Variants in MYO7A observed in about 807,000 individuals in gnomAD.
MYO7A encodes the protein unconventional myosin-VIIa.
In MYO7A, 210 loss-of-function variants were observed where a neutral mutation model predicts 263.8. The observed-to-expected ratio is 0.80, with a 90% confidence interval of 0.71 to 0.89. The LOEUF is 0.89. Ranked by LOEUF, MYO7A falls within the 40% of genes least tolerant of loss-of-function variation. The pLI is 0.00. For synonymous variants in MYO7A, 1,239 were observed against 1,197.3 expected (o/e 1.03, Z -0.72); for missense variants, 2,820 against 2,968.3 (o/e 0.95, Z 1.16).
chr11:77,213,940 C>T lies in MYO7A; in HGVS notation c.6519C>T (p.Asn2173=), dbSNP rs111033230. ...GNTYFHITIG[N]LVRGSKLLCE... The stretch of plus-strand genomic sequence containing the variant: ...CCTACTTCCACATCACCATTGGGAA[C>T]TTGGTGCGCGGGAGCAAACTGCTCT... Residue 2173 remains asparagine (N), a synonymous_variant, in exon 48 of 49, where the codon AAC becomes AAT. Transcript: ENST00000409709. The T allele has an allele frequency of 0.013, 20,549 of 1,614,090 alleles. 166 individuals are homozygous for T. The highest frequency in any genetic ancestry group is 0.016 in the Middle Eastern group (98 of 6,062).
intron 39 of MYO7A, among the ~76,000 whole-genome samples, chr11:77,204,909 C>T (rs978789609): frequency 6.6e-6 from 1 of 152,146 alleles, no homozygotes; most frequent in African/African-American, 2.4e-5. Flanking sequence ...CTCTGCATGC[C>T]GTAATTTGCT....
intron 27 of MYO7A, 182 bp downstream of exon 27, chr11:77,184,897 T>G (rs979781702): frequency 4.9e-5 from 52 of 1,061,080 alleles, no homozygotes; most frequent in Non-Finnish European, 6.4e-5. Context: ...ATTCCTTGTC[T>G]GTAAAGGGGG....
chr11:77,180,088 A>G, intron 21 of MYO7A, 135 bp downstream of exon 21: 1 of 974,436 alleles, frequency 1.0e-6, no homozygotes, highest in Non-Finnish European at 1.5e-6. Context: ...AGGAGTGCAC[A>G]TACCTGGGAC....
At chr11:77,190,975 C>T in intron 30 of MYO7A, 105 bp downstream of exon 30, 1 of 1,281,834 alleles carries the variant, frequency 7.8e-7, no homozygotes, top group East Asian at 2.6e-5. Context: ...CCCTTGAGCA[C>T]CTCGGTTTCC....
chr11:77,151,817 C>T (rs1424705947), intron 4 of MYO7A, among the ~76,000 whole-genome samples: 1 of 152,230 alleles, frequency 6.6e-6, no homozygotes, highest in Non-Finnish European at 1.5e-5. Context: ...CAGTGGTGGC[C>T]AGCCTCCTCT....
Position 77,172,776 on chromosome 11 carries a change from C to T in MYO7A, c.1826C>T (p.Thr609Ile), listed in dbSNP as rs1954235432. The T allele has an allele frequency of 6.4e-7, 1 of 1,559,940 alleles. No homozygotes were observed. The highest frequency in any genetic ancestry group is 1.4e-5 in the African/African-American group (1 of 73,496). The change falls in exon 16 of 49, where the codon ACA becomes ATA. Residue 609 changes from threonine (T) to isoleucine (I), a missense_variant. Thr to Ile is a moderately conservative substitution (Grantham distance 89). Transcript: ENST00000409709. ...GCCGAGACCAGGAAGCGCTCGCCCACACTTAGCAGCCAGTTCAAGCGGTCA... is the reference window on the plus strand; with the variant it reads ...GCCGAGACCAGGAAGCGCTCGCCCATACTTAGCAGCCAGTTCAAGCGGTCA... ...MGAETRKRSPTLSSQFKRSLE... is the reference protein window; with the variant it reads ...MGAETRKRSPILSSQFKRSLE...
At position 77,175,471 on chromosome 11, in the gene MYO7A, A is replaced by C; in HGVS notation, c.2187+7A>C. On this transcript the variant is annotated splice_region_variant and intron_variant, in intron 18 of 48. Transcript: ENST00000409709. ...AACCAAGATCTTTCTGAAGGTGAGC[A>C]CAGATGCCTTCCCTGGGCTGCCCTG... is the stretch of plus-strand genomic sequence containing the variant. 1 of 1,612,642 alleles carries C rather than the reference A, an allele frequency of 6.2e-7. No individual in the cohort carries two copies. Among genetic ancestry groups the C allele is most frequent in the Non-Finnish European group, 8.5e-7 (1 of 1,179,528 alleles).
At chr11:77,170,520 G>C (rs1555075294) in intron 15 of MYO7A, among the ~76,000 whole-genome samples, 1 of 152,172 alleles carries the variant, frequency 6.6e-6, no homozygotes, top group Non-Finnish European at 1.5e-5. Context: ...GAGGGTTCTG[G>C]GTGGGGAAAG....
At chr11:77,145,014 C>T (rs1031580351) in intron 3 of MYO7A, among the ~76,000 whole-genome samples, 1 of 152,170 alleles carries the variant, frequency 6.6e-6, no homozygotes, top group Non-Finnish European at 1.5e-5. Context: ...CTTTGGCCCC[C>T]GGTAGGTACC....
At chr11:77,165,636 G>A (rs1953466380) in intron 14 of MYO7A, among the ~76,000 whole-genome samples, 1 of 152,204 alleles carries the variant, frequency 6.6e-6, no homozygotes, top group Non-Finnish European at 1.5e-5. Flanking sequence ...ATAACACACT[G>A]TCCAACCACA....
chr11:77,179,588 G>C (rs868978829), intron 20 of MYO7A, 147 bp from the exon 21 acceptor site: 2 of 669,804 alleles, frequency 3.0e-6, no homozygotes, highest in Non-Finnish European at 4.9e-6. Flanking sequence ...TCTAACGATG[G>C]GGGGGCACTA....
intron 15 of MYO7A, among the ~76,000 whole-genome samples, chr11:77,171,568 T>C (rs1400160114): frequency 6.6e-6 from 1 of 152,178 alleles, no homozygotes; most frequent in South Asian, 2.1e-4. Context: ...AGTACCTAAA[T>C]TGAGTATGAG....
rs782288967 is a variant in MYO7A, at chr11:77,182,079, G to T, written c.3033G>T (p.Gly1011=). The T allele has an allele frequency of 1.2e-6, 2 of 1,613,300 alleles. No homozygotes were observed. Reference sequence around the variant, plus strand: ...AGTTCGCGGCCACCTACTTCCAGGGGACAACCACGCACTCCTACACCCGGC... The same window carrying T: ...AGTTCGCGGCCACCTACTTCCAGGGTACAACCACGCACTCCTACACCCGGC... The part of the protein sequence containing the change: ...FAKFAATYFQ[G]TTTHSYTRRP... The change falls in exon 24 of 49, where the codon GGG becomes GGT. Residue 1011 remains glycine (G), a synonymous_variant. Coordinates refer to ENST00000409709, the MANE Select transcript of MYO7A (RefSeq NM_000260.4).
intron 10 of MYO7A, 126 bp from the exon 11 acceptor site, chr11:77,160,036 TG>T: frequency 7.2e-7 from 1 of 1,393,300 alleles, no homozygotes. Context: ...CCGTGGGCCC[TG>T]GGGCAGGCGT....
rs781884347 is a variant in MYO7A at position 77,162,225 on chromosome 11, C to T, written c.1449C>T (p.Asp483=). Residue 483 remains aspartate (D), a synonymous_variant, in exon 13 of 49, where the codon GAC becomes GAT. Coordinates refer to ENST00000409709, the MANE Select transcript of MYO7A (RefSeq NM_000260.4). ...AGGAATATGACCTGGAGAGCATTGA[C>T]TGGCTGCACATCGAGTTCACTGACA... ...EQEEYDLESI[D]WLHIEFTDNQ... is the part of the protein sequence containing the mutation. 1 of 1,579,764 alleles carries T rather than the reference C, an allele frequency of 6.3e-7. No homozygotes were observed. Among genetic ancestry groups the T allele is most frequent in the Non-Finnish European group, 8.6e-7 (1 of 1,162,060 alleles).
chr11:77,183,187 C>T, intron 26 of MYO7A, 30 bp downstream of exon 26: 1 of 1,543,870 alleles, frequency 6.5e-7, no homozygotes, highest in Non-Finnish European at 8.8e-7. Flanking sequence ...GTCTGGCAGC[C>T]CAGGGGTGGC....
In MYO7A at chr11:77,189,729, G is replaced by C. The variant is rs1955898461; in HGVS notation, c.3630+259G>C. On this transcript the variant is annotated intron_variant, in intron 28 of 48. Coordinates refer to ENST00000409709, the MANE Select transcript of MYO7A (RefSeq NM_000260.4). ...CCCAGGCCCTCTGCACCCTCGTCTT[G>C]GGGCAGGCCCTGGGCGCTGGGGTCA... 2.0e-5 allele frequency among the ~76,000 whole-genome samples: 3 copies of C among 152,210 alleles called. No individual in the cohort carries two copies. The East Asian group carries it at 5.8e-4, about 29-fold the overall frequency.
intron 16 of MYO7A, among the ~76,000 whole-genome samples, chr11:77,174,458 C>T (rs970042291): frequency 6.6e-6 from 1 of 152,234 alleles, no homozygotes; most frequent in African/African-American, 2.4e-5. Flanking sequence ...ACTCCCCCTC[C>T]TGTCAGGGTT....
Position 77,160,993 on chromosome 11 carries a change from C to A in MYO7A, c.1221C>A (p.Phe407Leu). The A allele has an allele frequency of 6.2e-7, 1 of 1,608,912 alleles. No homozygotes were observed. The highest frequency in any genetic ancestry group is 8.5e-7 in the Non-Finnish European group (1 of 1,177,856). ...TTCAGGGGATCTACGGGCGGCTGTT[C>A]GTGTGGATTGTGGACAAGATCAACG... Reference protein sequence around the residue: ...AFVKGIYGRLFVWIVDKINAA... With the variant: ...AFVKGIYGRLLVWIVDKINAA... Residue 407 changes from phenylalanine (F) to leucine (L), a missense_variant, in exon 12 of 49, where the codon TTC (phenylalanine) becomes TTA (leucine). Physicochemically the swap from Phe to Leu is conservative, Grantham distance 22 (BLOSUM62 0). Coordinates refer to ENST00000409709, the MANE Select transcript of MYO7A (RefSeq NM_000260.4).
Sources: allele counts gnomAD v4.1 joint callset (sites outside exome capture counted in the v4.1 genomes callset), GRCh38; gene constraint gnomAD v4.1.1; transcripts MANE v1.5; gene names NCBI Gene and HGNC (gene_info 2026-07-23, HGNC 2026-07-21).